The following ANKRD11 variants were observed in gnomAD, a reference collection of about 807,000 sequenced individuals.
ANKRD11 encodes ankyrin repeat domain 11.
ANKRD11 carries 17 observed loss-of-function variants against 195.7 expected under a neutral mutation model. That is an observed-to-expected ratio of 0.09 (90% CI 0.06 to 0.13). The LOEUF (loss-of-function observed/expected upper bound fraction) is 0.13, where lower values mean the gene tolerates loss of function less well. ANKRD11 is among the 10% of genes least tolerant of loss of function. The pLI is 1.00. For missense variants in ANKRD11, 3,735 were observed against 3,566.1 expected (o/e 1.05, Z -1.21); for synonymous variants, 1,953 against 1,528.1 (o/e 1.28, Z -6.49).
At chr16:89,436,149 T>C (rs957499268) in intron 1 of ANKRD11, among the ~76,000 whole-genome samples, 5 of 152,176 alleles carry the variant, frequency 3.3e-5, no homozygotes, top group Admixed American at 1.3e-4. Flanking sequence ...GCACAGTGGC[T>C]CATGCCTGTA....
chr16:89,442,680 G>A (rs1180845140), intron 1 of ANKRD11, among the ~76,000 whole-genome samples: 2 of 152,200 alleles, frequency 1.3e-5, no homozygotes, highest in African/African-American at 2.4e-5. Context: ...GTGCTGACAC[G>A]GTTAGTCCTT....
intron 1 of ANKRD11, among the ~76,000 whole-genome samples, chr16:89,472,756 G>T (rs952852175): frequency 8.5e-5 from 13 of 152,170 alleles, no homozygotes; most frequent in Admixed American, 8.5e-4. Flanking sequence ...TCACTTAGTG[G>T]AAAGGAAGTA....
intron 4 of ANKRD11, among the ~76,000 whole-genome samples, chr16:89,293,329 T>G (rs1244335606): frequency 6.6e-6 from 1 of 151,808 alleles, no homozygotes; most frequent in Non-Finnish European, 1.5e-5. Context: ...CCATCAGAAG[T>G]GAAAAGCGAG....
intron 2 of ANKRD11, among the ~76,000 whole-genome samples, chr16:89,344,025 C>A (rs1353614170): frequency 6.6e-6 from 1 of 152,184 alleles, no homozygotes; most frequent in Non-Finnish European, 1.5e-5. Context: ...TGCAGGCGGC[C>A]AGCCACTCCT....
intron 2 of ANKRD11, among the ~76,000 whole-genome samples, chr16:89,376,497 G>A (rs1270462507): frequency 6.6e-6 from 1 of 152,156 alleles, no homozygotes; most frequent in Non-Finnish European, 1.5e-5. Context: ...GAGTGCAGTG[G>A]CATGATCTCA....
intron 2 of ANKRD11, chr16:89,343,614 C>T (rs138425665): frequency 1.4e-4 from 21 of 152,312 alleles, no homozygotes; most frequent in Non-Finnish European, 2.1e-4. Context: ...AGAACCTCAC[C>T]CCAGTCAGAA....
intron 1 of ANKRD11, among the ~76,000 whole-genome samples, chr16:89,443,698 A>T (rs2043637423): frequency 6.6e-6 from 1 of 152,220 alleles, no homozygotes; most frequent in Non-Finnish European, 1.5e-5. Flanking sequence ...GAGAAATGCA[A>T]TTCTTAAGAG....
At chr16:89,462,738 A>G (rs912361717) in intron 1 of ANKRD11, among the ~76,000 whole-genome samples, 11 of 149,782 alleles carry the variant, frequency 7.3e-5, no homozygotes, top group South Asian at 4.2e-4. Flanking sequence ...CTGGGATGTG[A>G]GGAGCACCTC....
At position 89,291,227 on chromosome 16, in the gene ANKRD11, A is replaced by C. The variant is rs1172077706; in HGVS notation, c.227-44T>G. The C allele has an allele frequency of 6.2e-7, 1 of 1,607,870 alleles. No homozygotes were observed. Among genetic ancestry groups the C allele is most frequent in the East Asian group, 2.2e-5 (1 of 44,856 alleles). ...AGAGAGGGAGGAGAGATTTCATGCC[A>C]TGGTGTCCTCCAAAGCTAGGTCCTT... On this transcript the variant is annotated intron_variant, in intron 4 of 12. Transcript: ENST00000301030. The surrounding 1 kb of genome is among the most constrained non-coding windows in gnomAD (Gnocchi z 5.3).
chr16:89,424,021 G>C (rs1020170681), intron 1 of ANKRD11, among the ~76,000 whole-genome samples: 1 of 152,246 alleles, frequency 6.6e-6, no homozygotes, highest in South Asian at 2.1e-4. Context: ...CCTCCGGGAA[G>C]ATTGTAACCC....
intron 1 of ANKRD11, among the ~76,000 whole-genome samples, chr16:89,471,215 T>A (rs566151361): frequency 2.3e-4 from 35 of 151,940 alleles, no homozygotes; most frequent in Middle Eastern, 3.4e-3. Context: ...AATAAATAAA[T>A]AAAACTAAAG....
intron 1 of ANKRD11, among the ~76,000 whole-genome samples, chr16:89,468,780 C>T (rs962938944): frequency 6.9e-4 from 105 of 152,174 alleles, no homozygotes; most frequent in Non-Finnish European, 2.5e-4. Context: ...TCTTGGCAGC[C>T]CCAATGGCCA....
At chr16:89,307,055 G>A (rs1490628048) in intron 3 of ANKRD11, among the ~76,000 whole-genome samples, 5 of 151,246 alleles carry the variant, frequency 3.3e-5, no homozygotes, top group African/African-American at 9.7e-5. Context: ...ACGTGGGGAG[G>A]GGGACAGTGC....
At chr16:89,381,759 C>A (rs980240194) in intron 2 of ANKRD11, among the ~76,000 whole-genome samples, 5 of 152,100 alleles carry the variant, frequency 3.3e-5, no homozygotes, top group Non-Finnish European at 5.9e-5. Context: ...CCCTCCTTAC[C>A]GAATTTATAC....
intron 1 of ANKRD11, chr16:89,420,011 A>C (rs2042447411): frequency 6.6e-6 from 1 of 152,250 alleles, no homozygotes; most frequent in East Asian, 1.9e-4. Flanking sequence ...CCATCTCTAC[A>C]AAAAATTCAA....
chr16:89,268,869 C>T (rs1294782129), intron 12 of ANKRD11, among the ~76,000 whole-genome samples: 1 of 152,248 alleles, frequency 6.6e-6, no homozygotes, highest in Non-Finnish European at 1.5e-5. Flanking sequence ...GTCCCCATAA[C>T]CGCTGTCTAT....
At chr16:89,405,395 C>T (rs1256017043) in intron 2 of ANKRD11, among the ~76,000 whole-genome samples, 2 of 152,002 alleles carry the variant, frequency 1.3e-5, no homozygotes, top group African/African-American at 4.8e-5. Flanking sequence ...GTGATATGAG[C>T]TCACCGTAGC....
chr16:89,291,873 C>A lies in ANKRD11; in HGVS notation c.227-690G>T, dbSNP rs2035083558. ...CGTAACAAGCACACCCTGCACTCATCTGACCCGTTACAGAACACTCGGCTG... is the reference window on the plus strand; with the variant it reads ...CGTAACAAGCACACCCTGCACTCATATGACCCGTTACAGAACACTCGGCTG... On this transcript the variant is annotated intron_variant, in intron 4 of 12. Coordinates refer to ENST00000301030, the MANE Select transcript of ANKRD11 (RefSeq NM_013275.6). The surrounding 1 kb of genome is among the most constrained non-coding windows in gnomAD (Gnocchi z 5.3). 5.0e-6 allele frequency: 4 copies of A among 806,610 alleles called. No individual in the cohort carries two copies. Among genetic ancestry groups the A allele is most frequent in the Middle Eastern group, 4.0e-4 (1 of 2,472 alleles). 50.0% of individuals were successfully genotyped at this position (806,610 alleles called of 1,614,324 possible).
intron 2 of ANKRD11, among the ~76,000 whole-genome samples, chr16:89,352,757 G>T (rs1024812061): frequency 1.3e-5 from 2 of 152,212 alleles, no homozygotes; most frequent in African/African-American, 4.8e-5. Context: ...TGTGTGCTCA[G>T]CCAGGCAGAT....
Sources: gnomAD v4.1 joint callset for allele counts (sites outside exome capture counted in the v4.1 genomes callset) on GRCh38, gnomAD v4.1.1 for gene constraint, Gnocchi (gnomAD v3.1) non-coding constraint, MANE v1.5 for transcripts, NCBI Gene and HGNC (gene_info 2026-07-23, HGNC 2026-07-21) for gene names.